Variants in PCDHA4 observed in about 807,000 individuals in gnomAD.
The protein encoded by PCDHA4 is protocadherin alpha 4.
A neutral mutation model predicts 61.4 loss-of-function variants in PCDHA4; 49 were observed. The observed-to-expected ratio is 0.80, with a 90% CI of 0.63 to 1.01. The LOEUF (loss-of-function observed/expected upper bound fraction) is 1.01, where lower values mean the gene tolerates loss of function less well. Among genes scored for constraint, PCDHA4 ranks in the 50% least tolerant of loss-of-function variants. PCDHA4 has a pLI of 0.00. For missense variants in PCDHA4, 1,254 were observed against 1,235.8 expected (o/e 1.01, Z -0.22); for synonymous variants, 590 against 550.3 (o/e 1.07, Z -1.01).
intron 1 of PCDHA4, chr5:140,841,708 C>T: frequency 6.2e-7 from 1 of 1,613,888 alleles, no homozygotes. Context: ...TTAATGACAA[C>T]CCGCCAGTGT....
At position 140,843,439 on chromosome 5, in the gene PCDHA4, G is replaced by C. The variant is rs2150360020; in HGVS notation, c.2385+33867G>C. On this transcript the variant is annotated intron_variant, in intron 1 of 3. Transcript: ENST00000530339. The stretch of plus-strand genomic sequence containing the variant: ...TGTACCTGATCATCGCCATCTGCGC[G>C]GTATCCAGCCTGCTGGTGCTCACGC... The C allele has an allele frequency of 5.1e-5, 82 of 1,595,976 alleles. 7 individuals carry two copies. In the South Asian group the frequency reaches 8.6e-4, roughly 17 times the overall value.
intron 3 of PCDHA4, among the ~76,000 whole-genome samples, chr5:141,000,842 G>A (rs2097967739): frequency 1.3e-5 from 2 of 151,954 alleles, no homozygotes; most frequent in Non-Finnish European, 2.9e-5. Flanking sequence ...AGGAGATCCA[G>A]TCTGGCAGTC....
intron 1 of PCDHA4, chr5:140,829,383 G>A: frequency 3.7e-6 from 6 of 1,614,186 alleles, no homozygotes; most frequent in East Asian, 2.2e-5. Context: ...CGGGACGGGG[G>A]CTCGCCTTCG....
At chr5:140,834,131 C>G (rs2150213699) in intron 1 of PCDHA4, 104 of 446,322 alleles carry the variant, frequency 2.3e-4, no homozygotes, top group Admixed American at 1.8e-3. Context: ...AACTTTTCAT[C>G]TGATTAATAG....
Position 140,858,030 on chromosome 5 carries a change from C to T in PCDHA4, c.2385+48458C>T, listed in dbSNP as rs534379807. 197 of 1,597,024 alleles carry T rather than the reference C, an allele frequency of 1.2e-4. 17 individuals are homozygous for T. Among genetic ancestry groups the T allele is most frequent in the Middle Eastern group, 3.3e-4 (2 of 5,996 alleles). On this transcript the variant is annotated intron_variant, in intron 1 of 3. Coordinates refer to ENST00000530339, the MANE Select transcript of PCDHA4 (RefSeq NM_018907.4). ...CATGGCGAGCCGTCGCTGACGGCCA[C>T]GGCCACTGTGCTTGTGTCGCTTGTG...
intron 1 of PCDHA4, chr5:140,862,140 G>A (rs2047224781): frequency 6.1e-6 from 1 of 162,900 alleles, no homozygotes; most frequent in Admixed American, 5.7e-5. Flanking sequence ...AGGTTTTGAG[G>A]AAACTAAATA....
chr5:140,817,668 A>G (rs1213130984), intron 1 of PCDHA4: 6 of 152,168 alleles, frequency 3.9e-5, no homozygotes, highest in African/African-American at 1.4e-4. Context: ...CCTTTCAATT[A>G]TTTATATGTT....
chr5:140,848,504 C>T (rs1554142138), intron 1 of PCDHA4: 4 of 1,587,366 alleles, frequency 2.5e-6, no homozygotes, highest in African/African-American at 2.7e-5. Flanking sequence ...AAATGTTATA[C>T]TCAAGTCGAG....
chr5:140,861,533 C>T (rs890249596), intron 1 of PCDHA4: 6 of 446,700 alleles, frequency 1.3e-5, no homozygotes, highest in South Asian at 7.2e-5. Context: ...TCTCGGAGTG[C>T]AGCATCCACC....
In PCDHA4 at chr5:140,882,301, G is replaced by A. The variant is rs145574763; in HGVS notation, c.2385+72729G>A. 188 of 1,613,800 alleles carry A rather than the reference G, an allele frequency of 1.2e-4. No homozygotes were observed. In the African/African-American group the frequency reaches 2.1e-3, roughly 18 times the overall value. Reference sequence around the variant, plus strand: ...CTTCCTGGCAAGGAGGCCCAAGACCGCGGCAACTACTGCTCTGGCTTCTGA... The same window carrying A: ...CTTCCTGGCAAGGAGGCCCAAGACCACGGCAACTACTGCTCTGGCTTCTGA... On this transcript the variant is annotated intron_variant, in intron 1 of 3. Coordinates refer to ENST00000530339, the MANE Select transcript of PCDHA4 (RefSeq NM_018907.4).
At chr5:140,965,853 A>G (rs1554227879) in intron 1 of PCDHA4, among the ~76,000 whole-genome samples, 2 of 152,220 alleles carry the variant, frequency 1.3e-5, no homozygotes, top group Non-Finnish European at 2.9e-5. Flanking sequence ...CAAGGCACAC[A>G]CTGAAAATAA....
intron 3 of PCDHA4, among the ~76,000 whole-genome samples, chr5:140,989,227 C>T (rs933142074): frequency 2.6e-5 from 4 of 152,162 alleles, no homozygotes; most frequent in African/African-American, 9.7e-5. Flanking sequence ...TTCTTTGTAG[C>T]TGAAGTTTTA....
chr5:140,933,762 T>C (rs2089409260), intron 1 of PCDHA4, among the ~76,000 whole-genome samples: 1 of 152,128 alleles, frequency 6.6e-6, no homozygotes, highest in African/African-American at 2.4e-5. Flanking sequence ...AGTGAAGCTC[T>C]CTGTACCTAC....
Position 141,010,368 on chromosome 5 carries a change from C to A in PCDHA4, c.*431C>A. On this transcript the variant is annotated 3_prime_UTR_variant, in exon 4 of 4. Transcript: ENST00000530339. ...GGTATGTGTGGCTACCGCGGGTATG[C>A]GAGTGCCAGATATTGGCTGAGACGA... 2 of 1,471,050 alleles carry A rather than the reference C, an allele frequency of 1.4e-6. No homozygotes were observed. Among genetic ancestry groups the A allele is most frequent in the Non-Finnish European group, 1.8e-6 (2 of 1,106,904 alleles). The allele number at this position is 1,471,050 out of a possible 1,614,324, so 91.1% of individuals were successfully genotyped here. A position where few individuals can be genotyped will look rare whatever the true frequency, so the allele number is the denominator to read the frequency against.
chr5:140,821,250 T>C (rs1408242957), intron 1 of PCDHA4, among the ~76,000 whole-genome samples: 3 of 152,206 alleles, frequency 2.0e-5, no homozygotes, highest in African/African-American at 7.2e-5. Context: ...AAACTTTAAC[T>C]CTTAAAAGTT....
At chr5:140,882,492 T>C (rs782572325) in intron 1 of PCDHA4, 1 of 1,614,090 alleles carries the variant, frequency 6.2e-7, no homozygotes, top group South Asian at 1.1e-5. Flanking sequence ...GGGGACCTTC[T>C]GGAGGTAAAT....
chr5:140,842,561 G>A (rs2150339210), intron 1 of PCDHA4: 1 of 1,492,420 alleles, frequency 6.7e-7, no homozygotes, highest in Admixed American at 1.9e-5. Context: ...CAGCGCCCTG[G>A]ACCGCGAGAG....
intron 1 of PCDHA4, among the ~76,000 whole-genome samples, chr5:140,941,777 T>C (rs903102270): frequency 6.6e-6 from 1 of 152,262 alleles, no homozygotes; most frequent in Admixed American, 6.5e-5. Context: ...ATTGTTTTAA[T>C]GTTTTACCCA....
intron 3 of PCDHA4, among the ~76,000 whole-genome samples, chr5:141,002,059 G>T (rs983772482): frequency 6.6e-6 from 1 of 152,242 alleles, no homozygotes; most frequent in East Asian, 1.9e-4. Flanking sequence ...AGAGGCAGCA[G>T]CAGCCGCCAG....
Sources: gnomAD v4.1 joint callset for allele counts (sites outside exome capture counted in the v4.1 genomes callset) on GRCh38, gnomAD v4.1.1 for gene constraint, MANE v1.5 for transcripts, NCBI Gene and HGNC (gene_info 2026-07-23, HGNC 2026-07-21) for gene names.